Variants in CPS1 observed in about 807,000 individuals in gnomAD.
CPS1 encodes the protein carbamoyl-phosphate synthase 1.
In CPS1, 109 loss-of-function variants were observed where a neutral mutation model predicts 174.6. The observed-to-expected ratio is 0.62, with a 90% CI of 0.53 to 0.73. CPS1 has a LOEUF of 0.73. Ranked by LOEUF, CPS1 falls within the 30% of genes least tolerant of loss-of-function variation. The pLI, the probability that CPS1 is intolerant of heterozygous loss-of-function variation, is 0.00. For synonymous variants in CPS1, 637 were observed against 632.0 expected (o/e 1.01, Z -0.12); for missense variants, 1,689 against 1,821.9 (o/e 0.93, Z 1.33).
intron 1 of CPS1, among the ~76,000 whole-genome samples, chr2:210,547,986 A>C (rs1696606973): frequency 6.6e-6 from 1 of 152,082 alleles, no homozygotes. Flanking sequence ...TTAATCAAGT[A>C]CTAATTAACC....
intron 25 of CPS1, among the ~76,000 whole-genome samples, chr2:210,645,611 A>G (rs1357306589): frequency 2.0e-5 from 3 of 152,118 alleles, no homozygotes; most frequent in Non-Finnish European, 4.4e-5. Context: ...CCTGGACCCC[A>G]TCTCTACTAA....
intron 1 of CPS1, among the ~76,000 whole-genome samples, chr2:210,517,928 A>G (rs1043234058): frequency 1.3e-5 from 2 of 151,974 alleles, no homozygotes; most frequent in African/African-American, 4.8e-5. Flanking sequence ...TCATATCGTA[A>G]TTATATGTCA....
At chr2:210,673,112 C>T (rs184009014) in intron 34 of CPS1, 56 of 152,278 alleles carry the variant, frequency 3.7e-4, no homozygotes, top group African/African-American at 1.2e-3. Context: ...GGTTTATAAA[C>T]AGGTTACAAG....
At chr2:210,613,439 C>G (rs1293073988) in intron 20 of CPS1, among the ~76,000 whole-genome samples, 1 of 151,754 alleles carries the variant, frequency 6.6e-6, no homozygotes, top group Non-Finnish European at 1.5e-5. Flanking sequence ...TAGAATTTTT[C>G]TCTGGCGGTG....
At chr2:210,510,423 C>A (rs4414620) in intron 1 of CPS1, among the ~76,000 whole-genome samples, 93,504 of 151,910 alleles carry the variant, frequency 0.62, 29,172 homozygotes, top group South Asian at 0.68. Flanking sequence ...ACCATAAAAA[C>A]CCTAGAAGAA....
intron 20 of CPS1, among the ~76,000 whole-genome samples, chr2:210,614,132 T>G (rs932843752): frequency 3.9e-5 from 6 of 151,960 alleles, no homozygotes; most frequent in Non-Finnish European, 8.8e-5. Flanking sequence ...TTATTTTTGA[T>G]TTTTGGAACA....
rs1204692026 is a variant in CPS1, at chr2:210,678,682, T to C, written c.*697T>C. The C allele has an allele frequency of 6.5e-6, 1 of 153,126 alleles. No individual in the cohort carries two copies. The highest frequency in any genetic ancestry group is 2.4e-5 in the African/African-American group (1 of 41,482). The allele number at this position is 153,126 out of a possible 1,614,324, so 9.5% of individuals were successfully genotyped here. A position where few individuals can be genotyped will look rare whatever the true frequency, so the allele number is the denominator to read the frequency against. ...ATCTCGGCTCACTGCAATTTCCGTC[T>C]CCCAAGTTCAAGCGATTCTCCTGCT... On this transcript the variant is annotated 3_prime_UTR_variant, in exon 38 of 38. Transcript: ENST00000233072.
rs899416787 is a variant in CPS1 at position 210,595,688 on chromosome 2, A to G, written c.1359+106A>G. Reference sequence around the variant, plus strand: ...CACTACCTCTTTTCAAAGTTGCTATAATTATTTTCCTTAACTGTGCCTTTA... The same window carrying G: ...CACTACCTCTTTTCAAAGTTGCTATGATTATTTTCCTTAACTGTGCCTTTA... On this transcript the variant is annotated intron_variant, in intron 13 of 37. Transcript: ENST00000233072. 3 of 821,734 alleles carry G rather than the reference A, an allele frequency of 3.7e-6. No individual in the cohort carries two copies. In the African/African-American group the frequency reaches 5.2e-5, roughly 14 times the overall value. 50.9% of individuals were successfully genotyped at this position (821,734 alleles called of 1,614,324 possible). A position where few individuals can be genotyped will look rare whatever the true frequency, so the allele number is the denominator to read the frequency against.
chr2:210,574,542 T>A (rs1364419613), intron 2 of CPS1, among the ~76,000 whole-genome samples: 1 of 152,114 alleles, frequency 6.6e-6, no homozygotes, highest in Non-Finnish European at 1.5e-5. Flanking sequence ...GTTTGCAAAG[T>A]TTTGCTTCAC....
At chr2:210,524,673 A>G (rs1326483658) in intron 1 of CPS1, among the ~76,000 whole-genome samples, 2 of 152,076 alleles carry the variant, frequency 1.3e-5, no homozygotes, top group South Asian at 2.1e-4. Context: ...ATAGTAAACC[A>G]TGCTGGACCA....
At chr2:210,596,720 A>G (rs867581226) in intron 13 of CPS1, among the ~76,000 whole-genome samples, 3 of 152,116 alleles carry the variant, frequency 2.0e-5, no homozygotes, top group South Asian at 2.1e-4. Context: ...GTTAGTACAC[A>G]ATCTAAGTGT....
chr2:210,669,190 G>C (rs1463048781), intron 34 of CPS1, among the ~76,000 whole-genome samples: 2 of 152,086 alleles, frequency 1.3e-5, no homozygotes, highest in Admixed American at 1.3e-4. Context: ...AGGGCAAAAT[G>C]ATAGGAAACT....
At chr2:210,592,400 T>C (rs1019997785) in intron 10 of CPS1, among the ~76,000 whole-genome samples, 4 of 152,022 alleles carry the variant, frequency 2.6e-5, no homozygotes, top group Non-Finnish European at 4.4e-5. Flanking sequence ...CTATTTGAGT[T>C]ATTAATCAAC....
intron 16 of CPS1, among the ~76,000 whole-genome samples, chr2:210,603,902 A>G (rs1022696301): frequency 6.6e-6 from 1 of 151,934 alleles, no homozygotes; most frequent in Non-Finnish European, 1.5e-5. Flanking sequence ...CTTTTTACAT[A>G]AAATCGAAGA....
rs935208862 is a variant in CPS1, at chr2:210,591,615, C to T, written c.948-216C>T. On this transcript the variant is annotated intron_variant, in intron 9 of 37. Coordinates refer to ENST00000233072, the MANE Select transcript of CPS1 (RefSeq NM_001875.5). Reference sequence around the variant, plus strand: ...CCGATTATAGAATTTAATAGACCTGCGTATTTAACACACAACAAAGCTTCC... The same window carrying T: ...CCGATTATAGAATTTAATAGACCTGTGTATTTAACACACAACAAAGCTTCC... 3.3e-5 allele frequency among the ~76,000 whole-genome samples: 5 copies of T among 151,972 alleles called. 1 individual carries two copies. Among genetic ancestry groups the T allele is most frequent in the South Asian group, 4.1e-4 (2 of 4,826 alleles).
upstream of CPS1, chr2:210,555,801 G>A (rs900235171): frequency 7.6e-5 from 27 of 352,944 alleles, no homozygotes; most frequent in African/African-American, 4.5e-4. Context: ...GTTAAACATG[G>A]GACTGAAGGG....
At chr2:210,536,372 G>C (rs1275657999) in intron 1 of CPS1, among the ~76,000 whole-genome samples, 1 of 148,488 alleles carries the variant, frequency 6.7e-6, no homozygotes, top group Admixed American at 6.7e-5. Context: ...CCAGGATGGA[G>C]TGCAGTGGCG....
At chr2:210,486,101 TATACACACACACATAC>T (rs1282851561) in intron 1 of CPS1, among the ~76,000 whole-genome samples, 2 of 117,908 alleles carry the variant, frequency 1.7e-5, no homozygotes, top group African/African-American at 6.3e-5. Flanking sequence ...TACATATATA[TATACACACACACATAC>T]ACACACACAC....
chr2:210,653,935 A>T, intron 28 of CPS1, 90 bp from the exon 29 acceptor site: 1 of 1,009,692 alleles, frequency 9.9e-7, no homozygotes, highest in Non-Finnish European at 1.6e-6. Flanking sequence ...TATTGCCCTG[A>T]TACTTATAAT....
Sources: gnomAD v4.1 joint callset for allele counts (sites outside exome capture counted in the v4.1 genomes callset) on GRCh38, gnomAD v4.1.1 for gene constraint, MANE v1.5 for transcripts, NCBI Gene and HGNC (gene_info 2026-07-23, HGNC 2026-07-21) for gene names.